Variants in NRG1 observed in about 807,000 individuals in gnomAD.
The protein encoded by NRG1 is pro-neuregulin-1, membrane-bound isoform.
NRG1 carries 18 observed loss-of-function variants against 63.8 expected under a neutral mutation model. That is an observed-to-expected ratio of 0.28 (90% confidence interval 0.19 to 0.42). The LOEUF (loss-of-function observed/expected upper bound fraction) is 0.42, where lower values mean the gene tolerates loss of function less well. Ranked by LOEUF, NRG1 falls within the 10% of genes least tolerant of loss-of-function variation. The pLI is 1.00. For missense variants in NRG1, 762 were observed against 814.7 expected (o/e 0.94, Z 0.79); for synonymous variants, 302 against 301.3 (o/e 1.00, Z -0.02).
At chr8:32,264,921 C>T (rs941649796) in intron 1 of NRG1, among the ~76,000 whole-genome samples, 2 of 152,012 alleles carry the variant, frequency 1.3e-5, no homozygotes, top group African/African-American at 2.4e-5. Context: ...AAAAGTTCAA[C>T]GGAAATACAG....
chr8:31,937,233 T>TA (rs1003936149), intron 1 of NRG1, among the ~76,000 whole-genome samples: 1 of 152,154 alleles, frequency 6.6e-6, no homozygotes, highest in Non-Finnish European at 1.5e-5. Context: ...TGGGCTTGAA[T>TA]AAAAACATGT....
At chr8:31,853,785 C>G (rs950588333) in intron 1 of NRG1, among the ~76,000 whole-genome samples, 8 of 151,964 alleles carry the variant, frequency 5.3e-5, no homozygotes, top group Non-Finnish European at 8.8e-5. Flanking sequence ...AAATATGTCC[C>G]ATCGATACCT....
chr8:31,748,558 G>C (rs1409747469), intron 1 of NRG1, among the ~76,000 whole-genome samples: 1 of 151,806 alleles, frequency 6.6e-6, no homozygotes, highest in African/African-American at 2.4e-5. Flanking sequence ...TTTTTAACTT[G>C]TAATATTATG....
chr8:32,265,363 T>C (rs1392857059), intron 1 of NRG1, among the ~76,000 whole-genome samples: 1 of 151,834 alleles, frequency 6.6e-6, no homozygotes, highest in Non-Finnish European at 1.5e-5. Flanking sequence ...AAAAAAATAA[T>C]ATTGCTGTCA....
chr8:31,748,798 A>T (rs915515702), intron 1 of NRG1, among the ~76,000 whole-genome samples: 1 of 151,772 alleles, frequency 6.6e-6, no homozygotes. Flanking sequence ...CACTTTGATT[A>T]GCAGTAGCCT....
intron 5 of NRG1, among the ~76,000 whole-genome samples, chr8:32,679,063 G>A (rs987772515): frequency 1.3e-5 from 2 of 151,944 alleles, no homozygotes; most frequent in Non-Finnish European, 2.9e-5. Flanking sequence ...AGGCTGAGGT[G>A]GGAGGATCGC....
At chr8:32,267,103 GA>G (rs1851043017) in intron 1 of NRG1, among the ~76,000 whole-genome samples, 1 of 148,252 alleles carries the variant, frequency 6.7e-6, no homozygotes, top group African/African-American at 2.5e-5. Context: ...AGAAAGGAAG[GA>G]AGGAAGGAGG....
At chr8:32,026,050 T>A (rs530022583) in intron 1 of NRG1, among the ~76,000 whole-genome samples, 1 of 150,440 alleles carries the variant, frequency 6.6e-6, no homozygotes, top group Non-Finnish European at 1.5e-5. Flanking sequence ...TTACTAAGTT[T>A]AGAGCATATA....
At chr8:31,741,349 AC>A (rs1815250999) in intron 1 of NRG1, among the ~76,000 whole-genome samples, 1 of 151,906 alleles carries the variant, frequency 6.6e-6, no homozygotes. Flanking sequence ...CTGCACATGT[AC>A]CCCCTGAATC....
At chr8:31,705,934 GT>G (rs1305445760) in intron 1 of NRG1, among the ~76,000 whole-genome samples, 2 of 152,188 alleles carry the variant, frequency 1.3e-5, no homozygotes, top group Non-Finnish European at 2.9e-5. Flanking sequence ...TCAGTTGCGT[GT>G]TTCATGTCTG....
chr8:31,824,251 A>G (rs1824314930), intron 1 of NRG1, among the ~76,000 whole-genome samples: 2 of 130,848 alleles, frequency 1.5e-5, no homozygotes, highest in South Asian at 2.4e-4. Context: ...TTCAATTCCC[A>G]CCTGTGAGTG....
At chr8:31,761,244 T>A (rs1157544134) in intron 1 of NRG1, among the ~76,000 whole-genome samples, 2 of 152,166 alleles carry the variant, frequency 1.3e-5, no homozygotes, top group South Asian at 4.1e-4. Context: ...TAGATGGGAA[T>A]TGAACAATGA....
intron 1 of NRG1, among the ~76,000 whole-genome samples, chr8:31,787,092 A>G (rs1344977519): frequency 1.3e-5 from 2 of 152,178 alleles, no homozygotes; most frequent in Non-Finnish European, 2.9e-5. Context: ...CATAGTTTGG[A>G]GGCTCCACTG....
chr8:32,110,480 T>C (rs1338161323), intron 1 of NRG1, among the ~76,000 whole-genome samples: 1 of 152,202 alleles, frequency 6.6e-6, no homozygotes, highest in East Asian at 1.9e-4. Flanking sequence ...GATTCATCTC[T>C]TAAAGGAAAT....
chr8:31,950,135 G>T (rs953537461), intron 1 of NRG1, among the ~76,000 whole-genome samples: 1 of 152,172 alleles, frequency 6.6e-6, no homozygotes, highest in African/African-American at 2.4e-5. Context: ...ATCACTAGGG[G>T]ACATGTAATA....
intron 1 of NRG1, among the ~76,000 whole-genome samples, chr8:32,477,854 A>G (rs995358067): frequency 1.5e-4 from 23 of 152,306 alleles, no homozygotes; most frequent in African/African-American, 5.3e-4. Flanking sequence ...AATGAATGCA[A>G]TGTGTCACTT....
intron 1 of NRG1, among the ~76,000 whole-genome samples, chr8:31,938,224 G>A (rs557820074): frequency 2.5e-4 from 38 of 152,218 alleles, no homozygotes; most frequent in South Asian, 1.4e-3. Flanking sequence ...AAGAGGGATC[G>A]CATCATAGGA....
chr8:32,099,486 C>T (rs1830298742), intron 1 of NRG1: 1 of 152,206 alleles, frequency 6.6e-6, no homozygotes, highest in Non-Finnish European at 1.5e-5. Flanking sequence ...TAGCAAAGAA[C>T]ATGCCCTGGA....
At chr8:32,073,577 G>T (rs898862490) in intron 1 of NRG1, among the ~76,000 whole-genome samples, 1 of 152,142 alleles carries the variant, frequency 6.6e-6, no homozygotes, top group African/African-American at 2.4e-5. Flanking sequence ...GACAGATGAT[G>T]TGTCTAATAC....
Sources: gnomAD v4.1 joint callset for allele counts (sites outside exome capture counted in the v4.1 genomes callset) on GRCh38, gnomAD v4.1.1 for gene constraint, MANE v1.5 for transcripts, NCBI Gene and HGNC (gene_info 2026-07-23, HGNC 2026-07-21) for gene names.